The following COL7A1 variants were observed in gnomAD, a reference collection of about 807,000 sequenced individuals.
COL7A1 encodes collagen alpha-1(VII) chain.
In COL7A1, 296 loss-of-function variants were observed where a neutral mutation model predicts 456.2. The observed-to-expected ratio is 0.65, with a 90% CI of 0.59 to 0.71. The LOEUF (loss-of-function observed/expected upper bound fraction) is 0.71. Ranked by LOEUF, COL7A1 falls within the 30% of genes least tolerant of loss-of-function variation. The pLI is 0.00. For synonymous variants in COL7A1, 1,464 were observed against 1,525.9 expected (o/e 0.96, Z 0.95); for missense variants, 3,441 against 4,017.2 (o/e 0.86, Z 3.88).
At position 48,570,755 on chromosome 3, in the gene COL7A1, C is replaced by G. The variant is rs774422294; in HGVS notation, c.7273-45G>C. 1 of 1,555,310 alleles carries G rather than the reference C, an allele frequency of 6.4e-7. No individual in the cohort carries two copies. The highest frequency in any genetic ancestry group is 2.4e-5 in the East Asian group (1 of 41,532). ...AGAGAGGCAGAGAGTGACTTGGGAA[C>G]CCTCCTACCCTCTGCCCCCTCAAGA... On this transcript the variant is annotated intron_variant, in intron 95 of 118. Coordinates refer to ENST00000681320, the MANE Select transcript of COL7A1 (RefSeq NM_000094.4). This position sits in a 1 kb window ranked among gnomAD's most constrained non-coding sequence, Gnocchi z 5.5.
Position 48,575,612 on chromosome 3 carries a change from C to G in COL7A1, c.5979+14G>C, listed in dbSNP as rs866198617. 6.2e-7 allele frequency: 1 copy of G among 1,612,978 alleles called. No individual in the cohort carries two copies. Among genetic ancestry groups the G allele is most frequent in the Middle Eastern group, 1.6e-4 (1 of 6,062 alleles). On this transcript the variant is annotated intron_variant, in intron 73 of 118. Coordinates refer to ENST00000681320, the MANE Select transcript of COL7A1 (RefSeq NM_000094.4). This position sits in a 1 kb window ranked among gnomAD's most constrained non-coding sequence, Gnocchi z 6.3. ...ACTCCACGGGGCACAACCCACTGAG[C>G]CACTTCTGCTCACCTCCTTGCCTGG...
Position 48,587,288 on chromosome 3 carries a change from C to T in COL7A1, c.3041G>A (p.Arg1014Gln), listed in dbSNP as rs1177397879. The stretch of plus-strand genomic sequence containing the variant: ...GACGCCAGGCTCTAGCCCTGTCACC[C>T]GCTGGGAGCTTGAGATCCCTGGAAG... ...QTLPGISSSQ[R>Q]VTGLEPGVSY... is the part of the protein sequence containing the mutation. The change falls in exon 24 of 119, where the codon CGG (arginine) becomes CAG (glutamine). Residue 1014 changes from arginine (R) to glutamine (Q), a missense_variant. Transcript: ENST00000681320. This position sits in a 1 kb window ranked among gnomAD's most constrained non-coding sequence, Gnocchi z 6.1. 14 of 1,607,018 alleles carry T rather than the reference C, an allele frequency of 8.7e-6. No homozygotes were observed. Among genetic ancestry groups the T allele is most frequent in the East Asian group, 2.2e-5 (1 of 44,520 alleles).
At position 48,587,956 on chromosome 3, in the gene COL7A1, G is replaced by T. The variant is rs1263022360; in HGVS notation, c.2711-17C>A. 2 of 1,574,154 alleles carry T rather than the reference G, an allele frequency of 1.3e-6. No homozygotes were observed. Among genetic ancestry groups the T allele is most frequent in the Non-Finnish European group, 1.7e-6 (2 of 1,159,996 alleles). ...CCTGGCCACCTGGGGCAGGCGTGAG[G>T]GTGGGGGCCAAGAGCATGTGGGATA... On this transcript the variant is annotated splice_polypyrimidine_tract_variant and intron_variant, in intron 21 of 118. Transcript: ENST00000681320. The surrounding 1 kb of genome is among the most constrained non-coding windows in gnomAD (Gnocchi z 6.1).
At position 48,583,739 on chromosome 3, in the gene COL7A1, G is replaced by C; in HGVS notation, c.4320C>G (p.Pro1440=). Residue 1440 remains proline (P), a synonymous_variant, in exon 40 of 119, where the codon CCC becomes CCG. Transcript: ENST00000681320. The surrounding 1 kb of genome is among the most constrained non-coding windows in gnomAD (Gnocchi z 5.1). ...CTACTTTTTCTCCTTTCTTTCCAGG[G>C]GGGCCAACGGGGCCTTGGGGTCCAG... The part of the protein sequence containing the change: ...GSPGPQGPVG[P]PGKKGEKGDS... The C allele has an allele frequency of 6.2e-7, 1 of 1,614,014 alleles. No homozygotes were observed. Among genetic ancestry groups the C allele is most frequent in the Non-Finnish European group, 8.5e-7 (1 of 1,179,972 alleles).
chr3:48,564,226 A>G lies in COL7A1; in HGVS notation c.*180T>C, dbSNP rs760409465. The G allele has an allele frequency of 5.1e-5, 38 of 745,620 alleles. No homozygotes were observed. Among genetic ancestry groups the G allele is most frequent in the Middle Eastern group, 2.6e-4 (1 of 3,826 alleles). 46.2% of individuals were successfully genotyped at this position (745,620 alleles called of 1,614,324 possible). On this transcript the variant is annotated 3_prime_UTR_variant, in exon 119 of 119. Coordinates refer to ENST00000681320, the MANE Select transcript of COL7A1 (RefSeq NM_000094.4). The surrounding 1 kb of genome is among the most constrained non-coding windows in gnomAD (Gnocchi z 6.0). The stretch of plus-strand genomic sequence containing the variant: ...ATCTGCCAGGGTGGCAGGAGCCACA[A>G]TGGGGGTTTGTCCACAGGGGGGAAG...
In COL7A1 at chr3:48,567,736, C is replaced by T. The variant is rs121912851; in HGVS notation, c.7957G>A (p.Gly2653Arg). 12 of 1,614,010 alleles carry T rather than the reference C, an allele frequency of 7.4e-6. No homozygotes were observed. Among genetic ancestry groups the T allele is most frequent in the African/African-American group, 1.3e-5 (1 of 74,910 alleles). Reference protein sequence around the residue: ...KGEAGPPGRPGLAGHKGEMGE... With the variant: ...KGEAGPPGRPRLAGHKGEMGE... ...ATCTCTCCTTTGTGTCCTGCCAGCC[C>T]GGGGCGGCCTGGGGGACCAGCTTCT... The change falls in exon 108 of 119, where the codon GGG (glycine) becomes AGG (arginine). Residue 2653 changes from glycine (G) to arginine (R), a missense_variant. Physicochemically the swap from Gly to Arg is moderately radical, Grantham distance 125. This residue lies in a region of COL7A1 where 2,084 missense variants were observed against 2,501.3 expected (regional missense o/e 0.83). Transcript: ENST00000681320. This position sits in a 1 kb window ranked among gnomAD's most constrained non-coding sequence, Gnocchi z 4.3.
Position 48,572,620 on chromosome 3 carries a change from G to A in COL7A1, c.6900+51C>T, listed in dbSNP as rs2044008192. The A allele has an allele frequency of 6.2e-7, 1 of 1,604,844 alleles. No individual in the cohort carries two copies. Among genetic ancestry groups the A allele is most frequent in the Non-Finnish European group, 8.5e-7 (1 of 1,175,386 alleles). On this transcript the variant is annotated intron_variant, in intron 88 of 118. Transcript: ENST00000681320. The surrounding 1 kb of genome is among the most constrained non-coding windows in gnomAD (Gnocchi z 4.6). ...CATGGCATTTGGAAACAGGCTTGTG[G>A]GTGAGGCAGAGGAGTTGCTGCAGGG...
In COL7A1 at chr3:48,568,322, A is replaced by G. The variant is rs923055517; in HGVS notation, c.7795-152T>C. On this transcript the variant is annotated intron_variant, in intron 105 of 118. Transcript: ENST00000681320. The surrounding 1 kb of genome is among the most constrained non-coding windows in gnomAD (Gnocchi z 5.2). Reference sequence around the variant, plus strand: ...TTGCCATGGGGACAAGGGTCACCATAGGCAGGGGACACCATCATAGGCGGC... The same window carrying G: ...TTGCCATGGGGACAAGGGTCACCATGGGCAGGGGACACCATCATAGGCGGC... The G allele has an allele frequency of 4.8e-5, 52 of 1,072,352 alleles. No individual in the cohort carries two copies. Among genetic ancestry groups the G allele is most frequent in the Non-Finnish European group, 7.3e-5 (52 of 710,514 alleles). 66.4% of individuals were successfully genotyped at this position (1,072,352 alleles called of 1,614,324 possible).
Position 48,568,224 on chromosome 3 carries a change from A to G in COL7A1, c.7795-54T>C. 6.3e-7 allele frequency: 1 copy of G among 1,586,396 alleles called. No individual in the cohort carries two copies. The highest frequency in any genetic ancestry group is 8.6e-7 in the Non-Finnish European group (1 of 1,161,280). The stretch of plus-strand genomic sequence containing the variant: ...AGAGGAGGTCAGTGAGGGACCAAAG[A>G]GAATCGCCCTGGATAGTGGGTAGGG... On this transcript the variant is annotated intron_variant, in intron 105 of 118. Coordinates refer to ENST00000681320, the MANE Select transcript of COL7A1 (RefSeq NM_000094.4). This position sits in a 1 kb window ranked among gnomAD's most constrained non-coding sequence, Gnocchi z 5.2.
rs1275038410 is a variant in COL7A1, at chr3:48,578,952, AC to A, written c.5390del (p.Gly1797ValfsTer44). ...CTGGGTCCCCAGCTTTGCCTGCAGC[AC>A]CCTGAGGAGAGACTCAAAGTCAGTT... The part of the protein sequence containing the change: ...PGAAGPSGPN[G>X]AAGKAGDPGR... On this transcript the variant is annotated frameshift_variant and splice_region_variant, in exon 63 of 119. Transcript: ENST00000681320. LOFTEE classifies it high-confidence loss of function. This position sits in a 1 kb window ranked among gnomAD's most constrained non-coding sequence, Gnocchi z 4.7. 6.2e-7 allele frequency: 1 copy of A among 1,613,860 alleles called. No homozygotes were observed. Among genetic ancestry groups the A allele is most frequent in the Non-Finnish European group, 8.5e-7 (1 of 1,179,976 alleles).
At position 48,584,927 on chromosome 3, in the gene COL7A1, C is replaced by T. The variant is rs532656269; in HGVS notation, c.3994G>A (p.Gly1332Ser). The T allele has an allele frequency of 6.2e-7, 1 of 1,614,010 alleles. No homozygotes were observed. Among genetic ancestry groups the T allele is most frequent in the South Asian group, 1.1e-5 (1 of 91,088 alleles). ...CACCTTACCGGGTCCCCACGAGGGCCAGGCAACCCTGGAGAGCCCTGCAAA... is the reference window on the plus strand; with the variant it reads ...CACCTTACCGGGTCCCCACGAGGGCTAGGCAACCCTGGAGAGCCCTGCAAA... The part of the protein sequence containing the change: ...PGLKGSPGLP[G>S]PRGDPGERGP... Residue 1332 changes from glycine (G) to serine (S), a missense_variant, in exon 34 of 119, where the codon GGC (glycine) becomes AGC (serine). This residue lies in a region of COL7A1 where 2,084 missense variants were observed against 2,501.3 expected (regional missense o/e 0.83). Coordinates refer to ENST00000681320, the MANE Select transcript of COL7A1 (RefSeq NM_000094.4).
Position 48,580,702 on chromosome 3 carries a change from G to A in COL7A1, c.4981-50C>T, listed in dbSNP as rs768014263. 1 of 1,600,750 alleles carries A rather than the reference G, an allele frequency of 6.2e-7. No individual in the cohort carries two copies. Among genetic ancestry groups the A allele is most frequent in the East Asian group, 2.2e-5 (1 of 44,718 alleles). On this transcript the variant is annotated intron_variant, in intron 54 of 118. Transcript: ENST00000681320. The surrounding 1 kb of genome is among the most constrained non-coding windows in gnomAD (Gnocchi z 4.5). The stretch of plus-strand genomic sequence containing the variant: ...CAGACCCTCCCAATATTTTGCAGGT[G>A]CCCCTATGACCCGCTACACTGCCCC...
Position 48,564,870 on chromosome 3 carries a change from C to T in COL7A1, c.8731G>A (p.Gly2911Ser). The change falls in exon 118 of 119, where the codon GGC (glycine) becomes AGC (serine). Residue 2911 changes from glycine to serine, a missense_variant. Gly to Ser is a moderately conservative substitution (Grantham distance 56). Transcript: ENST00000681320. This position sits in a 1 kb window ranked among gnomAD's most constrained non-coding sequence, Gnocchi z 6.0. ...TEACHPFVYG[G>S]CGGNANRFGT... ...AAACGGTTGGCATTCCCTCCACAGC[C>T]ACCATAGACAAAAGGGTGACAGGCC... 1 of 1,614,204 alleles carries T rather than the reference C, an allele frequency of 6.2e-7. No homozygotes were observed. Among genetic ancestry groups the T allele is most frequent in the South Asian group, 1.1e-5 (1 of 91,086 alleles).
rs771382534 is a variant in COL7A1, at chr3:48,575,629, C to T, written c.5976G>A (p.Lys1992=). ...GDSGEQGPPG[K]EGPIGFPGER... ...CCACTGAGCCACTTCTGCTCACCTC[C>T]TTGCCTGGGGGGCCCTGTTCGCCTG... The change falls in exon 73 of 119, where the codon AAG becomes AAA. Residue 1992 remains lysine, a synonymous_variant. Coordinates refer to ENST00000681320, the MANE Select transcript of COL7A1 (RefSeq NM_000094.4). This position sits in a 1 kb window ranked among gnomAD's most constrained non-coding sequence, Gnocchi z 6.3. 3.7e-6 allele frequency: 6 copies of T among 1,613,226 alleles called. No homozygotes were observed. In the Admixed American group the frequency reaches 1.0e-4, roughly 27 times the overall value.
rs745456830 is a variant in COL7A1 at position 48,583,748 on chromosome 3, G to A, written c.4311C>T (p.Pro1437=). 54 of 1,613,848 alleles carry A rather than the reference G, an allele frequency of 3.3e-5. No homozygotes were observed. Among genetic ancestry groups the A allele is most frequent in the Admixed American group, 1.8e-4 (11 of 60,006 alleles). ...GLPGSPGPQG[P]VGPPGKKGEK... ...CTCCTTTCTTTCCAGGGGGGCCAAC[G>A]GGGCCTTGGGGTCCAGGGCTTCCGG... Residue 1437 remains proline, a synonymous_variant, in exon 40 of 119, where the codon CCC becomes CCT. Transcript: ENST00000681320. This position sits in a 1 kb window ranked among gnomAD's most constrained non-coding sequence, Gnocchi z 5.1.
chr3:48,567,304 C>T lies in COL7A1; in HGVS notation c.8047-114G>A. 7.5e-7 allele frequency: 1 copy of T among 1,325,204 alleles called. No individual in the cohort carries two copies. The highest frequency in any genetic ancestry group is 2.3e-5 in the East Asian group (1 of 42,850). 82.1% of individuals were successfully genotyped at this position (1,325,204 alleles called of 1,614,324 possible). A position where few individuals can be genotyped will look rare whatever the true frequency, so the allele number is the denominator to read the frequency against. On this transcript the variant is annotated intron_variant, in intron 109 of 118. Transcript: ENST00000681320. This position sits in a 1 kb window ranked among gnomAD's most constrained non-coding sequence, Gnocchi z 4.3. ...ATGCCCAAACCTTCTGTAACCCAAG[C>T]ACCTGTGAGCCAACCAGATGTGATC...
In COL7A1 at chr3:48,572,156, G is replaced by A. The variant is rs765027608; in HGVS notation, c.6994C>T (p.Arg2332Ter). Reference sequence around the variant, plus strand: ...TCGCCTCGCGGCCCTGGCAGTCCTCGGTCACCTTTGGCTCCCTGTTGACAG... The same window carrying A: ...TCGCCTCGCGGCCCTGGCAGTCCTCAGTCACCTTTGGCTCCCTGTTGACAG... ...LVGEPGAKGD[R>*]GLPGPRGEKG... Residue 2332 changes from arginine to a stop codon, truncating the protein, a stop_gained, in exon 91 of 119, where the codon CGA becomes TGA. Coordinates refer to ENST00000681320, the MANE Select transcript of COL7A1 (RefSeq NM_000094.4). LOFTEE classifies it high-confidence loss of function. This position sits in a 1 kb window ranked among gnomAD's most constrained non-coding sequence, Gnocchi z 4.6. 12 of 1,613,908 alleles carry A rather than the reference G, an allele frequency of 7.4e-6. No individual in the cohort carries two copies. Among genetic ancestry groups the A allele is most frequent in the South Asian group, 3.3e-5 (3 of 91,084 alleles).
chr3:48,573,011 C>T lies in COL7A1; in HGVS notation c.6750+10G>A. 1 of 1,614,120 alleles carries T rather than the reference C, an allele frequency of 6.2e-7. No individual in the cohort carries two copies. On this transcript the variant is annotated intron_variant, in intron 86 of 118. Coordinates refer to ENST00000681320, the MANE Select transcript of COL7A1 (RefSeq NM_000094.4). The surrounding 1 kb of genome is among the most constrained non-coding windows in gnomAD (Gnocchi z 5.5). Reference sequence around the variant, plus strand: ...CCCCTGGAGCCCAACCCTTGACCCCCAGAACTCACCACTTGTCCAGGCAAA... The same window carrying T: ...CCCCTGGAGCCCAACCCTTGACCCCTAGAACTCACCACTTGTCCAGGCAAA...
rs2045944345 is a variant in COL7A1, at chr3:48,594,596, C to T, written c.86-48G>A. ...GGGCCTCTTCTGGGAGGCCAACCAC[C>T]CGCCTACCCGCACGGTGGCCTCACT... is the stretch of plus-strand genomic sequence containing the variant. On this transcript the variant is annotated intron_variant, in intron 2 of 118. Transcript: ENST00000681320. This position sits in a 1 kb window ranked among gnomAD's most constrained non-coding sequence, Gnocchi z 5.5. The T allele has an allele frequency of 1.3e-6, 2 of 1,534,720 alleles. No individual in the cohort carries two copies. The highest frequency in any genetic ancestry group is 1.8e-6 in the Non-Finnish European group (2 of 1,142,330).
Sources: allele counts gnomAD v4.1 joint callset, GRCh38; gene constraint gnomAD v4.1.1; regional missense constraint gnomAD v4.1.1; non-coding constraint Gnocchi (gnomAD v3.1); transcripts MANE v1.5; gene names NCBI Gene and HGNC (gene_info 2026-07-23, HGNC 2026-07-21).